The following GFM2 variants were observed in gnomAD, a reference collection of about 807,000 sequenced individuals.
GFM2 encodes ribosome-releasing factor 2, mitochondrial.
In GFM2, 72 loss-of-function variants were observed where a neutral mutation model predicts 95.4. That is an observed-to-expected ratio of 0.76 (90% confidence interval 0.62 to 0.92). GFM2 has a LOEUF of 0.92. Ranked by LOEUF, GFM2 falls within the 40% of genes least tolerant of loss-of-function variation. The pLI, the probability that GFM2 is intolerant of heterozygous loss-of-function variation, is 0.00. For synonymous variants in GFM2, 276 were observed against 317.5 expected (o/e 0.87, Z 1.39); for missense variants, 825 against 924.1 (o/e 0.89, Z 1.39).
intron 8 of GFM2, among the ~76,000 whole-genome samples, chr5:74,746,372 T>C (rs1437010954): frequency 6.6e-6 from 1 of 152,238 alleles, no homozygotes; most frequent in African/African-American, 2.4e-5. Context: ...ATATCAGTAA[T>C]TACCCTAATC....
rs141000370 is a variant in GFM2 at position 74,740,352 on chromosome 5, A to G, written c.931-215T>C. On this transcript the variant is annotated intron_variant, in intron 11 of 20. Transcript: ENST00000296805. ...ATTCGCTAGAATGTAAAATCCATAT[A>G]AGCATTACCCCTGGAAATACTGCTA... 4.9e-4 allele frequency among the ~76,000 whole-genome samples: 74 copies of G among 152,276 alleles called. No individual in the cohort carries two copies. In the East Asian group the frequency reaches 0.014, roughly 29 times the overall value.
intron 5 of GFM2, among the ~76,000 whole-genome samples, chr5:74,752,633 G>A (rs1348695360): frequency 6.6e-6 from 1 of 152,104 alleles, no homozygotes; most frequent in Admixed American, 6.6e-5. Context: ...CACTTACACA[G>A]TAGTAAGCAT....
intron 14 of GFM2, among the ~76,000 whole-genome samples, chr5:74,737,187 C>A (rs1000291053): frequency 5.3e-5 from 8 of 152,308 alleles, no homozygotes; most frequent in Admixed American, 1.3e-4. Flanking sequence ...ATCCAAAATA[C>A]TGTTGTAATA....
At position 74,754,115 on chromosome 5, in the gene GFM2, G is replaced by T. The variant is rs141660465; in HGVS notation, c.305-2622C>A. 1.8e-3 allele frequency among the ~76,000 whole-genome samples: 281 copies of T among 152,188 alleles called. 2 individuals are homozygous for T. The highest frequency in any genetic ancestry group is 6.3e-3 in the African/African-American group (262 of 41,508). ...AGAATTTTGTATCCAGAGAAACTAA[G>T]CTTCATAAATGAAGGAAAGATATAG... On this transcript the variant is annotated intron_variant, in intron 5 of 20. Transcript: ENST00000296805.
At chr5:74,757,502 A>C (rs1320022470) in intron 5 of GFM2, among the ~76,000 whole-genome samples, 4 of 152,120 alleles carry the variant, frequency 2.6e-5, no homozygotes, top group Non-Finnish European at 5.9e-5. Flanking sequence ...GCCTTATAAA[A>C]GGAATCTTCA....
At position 74,722,307 on chromosome 5, in the gene GFM2, T is replaced by C. The variant is rs532754381; in HGVS notation, c.2211+72A>G. The C allele has an allele frequency of 2.0e-5, 23 of 1,174,280 alleles. 2 individuals are homozygous for C. The African/African-American group carries it at 2.1e-4, about 11-fold the overall frequency. 72.7% of individuals were successfully genotyped at this position (1,174,280 alleles called of 1,614,324 possible). A position where few individuals can be genotyped will look rare whatever the true frequency, so the allele number is the denominator to read the frequency against. ...CTTAATGTTTCTTTCAGGTTACTGATTGTCTATTCATTGGCATATAATATC... is the reference window on the plus strand; with the variant it reads ...CTTAATGTTTCTTTCAGGTTACTGACTGTCTATTCATTGGCATATAATATC... On this transcript the variant is annotated intron_variant, in intron 20 of 20. Coordinates refer to ENST00000296805, the MANE Select transcript of GFM2 (RefSeq NM_032380.5).
Position 74,721,595 on chromosome 5 carries a change from G to C in GFM2, c.*60C>G. ...TCCAATAAATAAAGCAATAAAAATT[G>C]TTCTTACTGAAAATGAAGTAGCTAG... On this transcript the variant is annotated 3_prime_UTR_variant, in exon 21 of 21. Transcript: ENST00000296805. 1 of 1,529,248 alleles carries C rather than the reference G, an allele frequency of 6.5e-7. No individual in the cohort carries two copies. The highest frequency in any genetic ancestry group is 9.0e-7 in the Non-Finnish European group (1 of 1,115,754). 94.7% of individuals were successfully genotyped at this position (1,529,248 alleles called of 1,614,324 possible). A position where few individuals can be genotyped will look rare whatever the true frequency, so the allele number is the denominator to read the frequency against.
rs553336690 is a variant in GFM2, at chr5:74,760,891, A to C, written c.148+11T>G. ...AGCTTAGATAAAATTAGAAGACTCT[A>C]ACATTTGTACCTGGTAGAGAACTGC... On this transcript the variant is annotated intron_variant, in intron 3 of 20. Transcript: ENST00000296805. 22 of 1,543,946 alleles carry C rather than the reference A, an allele frequency of 1.4e-5. No homozygotes were observed. Among genetic ancestry groups the C allele is most frequent in the Non-Finnish European group, 1.9e-5 (21 of 1,124,816 alleles).
At chr5:74,738,046 G>A (rs1742918941) in intron 14 of GFM2, among the ~76,000 whole-genome samples, 1 of 151,984 alleles carries the variant, frequency 6.6e-6, no homozygotes, top group East Asian at 1.9e-4. Flanking sequence ...ACACATATAT[G>A]TATATACATA....
In GFM2 at chr5:74,745,860, G is replaced by A; in HGVS notation, c.670-3C>T. The stretch of plus-strand genomic sequence containing the variant: ...GTTTTGGCTTCACCAATTGGTAACT[G>A]TAAGTCAGAGTGAGATTAACATTAT... On this transcript the variant is annotated splice_region_variant and splice_polypyrimidine_tract_variant and intron_variant, in intron 9 of 20. Coordinates refer to ENST00000296805, the MANE Select transcript of GFM2 (RefSeq NM_032380.5). 1 of 1,606,070 alleles carries A rather than the reference G, an allele frequency of 6.2e-7. No individual in the cohort carries two copies. The highest frequency in any genetic ancestry group is 1.1e-5 in the South Asian group (1 of 90,728).
At chr5:74,748,922 A>T (rs1488486724) in intron 7 of GFM2, among the ~76,000 whole-genome samples, 1,353 of 135,100 alleles carry the variant, frequency 0.01, 12 homozygotes, top group African/African-American at 0.024. Flanking sequence ...AAAAATAAAA[A>T]AAAATAAAAA....
At chr5:74,761,565 T>C (rs900695953) in intron 2 of GFM2, among the ~76,000 whole-genome samples, 2 of 152,192 alleles carry the variant, frequency 1.3e-5, no homozygotes, top group South Asian at 2.1e-4. Context: ...GGAAAGCTTC[T>C]TGAAGACACG....
At chr5:74,726,356 T>C (rs2112214060) in intron 17 of GFM2, among the ~76,000 whole-genome samples, 1 of 152,334 alleles carries the variant, frequency 6.6e-6, no homozygotes, top group South Asian at 2.1e-4. Flanking sequence ...TATCACCTAT[T>C]GTTTTAACAT....
intron 16 of GFM2, among the ~76,000 whole-genome samples, chr5:74,732,181 A>G (rs1229348631): frequency 1.6e-5 from 2 of 124,044 alleles, no homozygotes; most frequent in Non-Finnish European, 3.2e-5. Context: ...TATGTTGCCC[A>G]GGCTGGTCTT....
rs1479441976 is a variant in GFM2, at chr5:74,725,537, A to G, written c.2028+103T>C. The G allele has an allele frequency of 8.7e-6, 6 of 687,324 alleles. No individual in the cohort carries two copies. The Admixed American group carries it at 1.3e-4, about 15-fold the overall frequency. 42.6% of individuals were successfully genotyped at this position (687,324 alleles called of 1,614,324 possible). ...TGTTGACCACAAGGCTGAGGAGGCA[A>G]AGACACAAGATAAGGCTCTGTAAAC... On this transcript the variant is annotated intron_variant, in intron 19 of 20. Coordinates refer to ENST00000296805, the MANE Select transcript of GFM2 (RefSeq NM_032380.5).
At position 74,750,605 on chromosome 5, in the gene GFM2, C is replaced by A; in HGVS notation, c.493G>T (p.Val165Leu). Residue 165 changes from valine (V) to leucine (L), a missense_variant, in exon 7 of 21, where the codon GTA becomes TTA. Coordinates refer to ENST00000296805, the MANE Select transcript of GFM2 (RefSeq NM_032380.5). ...CLRVLDGAVA[V>L]FDASAGVEAQ... ...TCTACACCAGCAGAGGCATCAAATA[C>A]AGCCACTGCACCATCCAACACTCTT... is the stretch of plus-strand genomic sequence containing the variant. 6 of 1,612,628 alleles carry A rather than the reference C, an allele frequency of 3.7e-6. No homozygotes were observed. The highest frequency in any genetic ancestry group is 4.2e-6 in the Non-Finnish European group (5 of 1,178,880).
At chr5:74,752,065 T>A (rs969659525) in intron 5 of GFM2, among the ~76,000 whole-genome samples, 1 of 152,024 alleles carries the variant, frequency 6.6e-6, no homozygotes, top group African/African-American at 2.4e-5. Flanking sequence ...GAGAAAAAAA[T>A]TCATCCAATA....
chr5:74,744,120 A>C (rs1347433611), intron 10 of GFM2, among the ~76,000 whole-genome samples: 1 of 152,206 alleles, frequency 6.6e-6, no homozygotes, highest in Non-Finnish European at 1.5e-5. Context: ...GTACTTACAT[A>C]AACCTAGACG....
chr5:74,722,724 A>ATGAT, intron 19 of GFM2, 163 bp from the exon 20 acceptor site: 2 of 564,470 alleles, frequency 3.5e-6, no homozygotes, highest in Non-Finnish European at 6.1e-6. Context: ...TATAATAAGC[A>ATGAT]TGATAACAGA....
Sources: allele counts gnomAD v4.1 joint callset (sites outside exome capture counted in the v4.1 genomes callset), GRCh38; gene constraint gnomAD v4.1.1; transcripts MANE v1.5; gene names NCBI Gene and HGNC (gene_info 2026-07-23, HGNC 2026-07-21).